The following PTCHD1 variants were observed in gnomAD, a reference collection of about 807,000 sequenced individuals.
The protein encoded by PTCHD1 is patched domain-containing protein 1.
Under a neutral mutation model 34.6 loss-of-function variants are expected in PTCHD1, and 3 were observed. The ratio of observed to expected loss-of-function variants is 0.09; its 90% CI spans 0.04 to 0.22. The LOEUF (loss-of-function observed/expected upper bound fraction) is 0.22. PTCHD1 is among the 10% of genes least tolerant of loss of function. The probability of loss-of-function intolerance (pLI) is 1.00; values close to 1 mark genes in which losing one functional copy is unlikely to be tolerated. For synonymous variants in PTCHD1, 305 were observed against 283.1 expected (o/e 1.08, Z -0.77); for missense variants, 504 against 685.5 (o/e 0.74, Z 2.96).
At chrX:23,355,881 G>A (rs1176363570) in intron 1 of PTCHD1, among the ~76,000 whole-genome samples, 1 of 112,390 alleles carries the variant, frequency 8.9e-6, no homozygotes, top group East Asian at 2.8e-4. Flanking sequence ...TCCCTTGAGA[G>A]CTGGGCTGGA....
At chrX:23,334,787 T>TCGCCGCCGCCGCGGGCGCCGCCGCC (rs1921110223), upstream of PTCHD1, 1 of 344,852 alleles carries the variant, frequency 2.9e-6, no homozygotes, top group Non-Finnish European at 3.7e-6. Context: ...CGGGCGCCGC[T>TCGCCGCCGCCGCGGGCGCCGCCGCC]GCCGCCGCCG....
chrX:23,374,699 G>A (rs977351811), intron 1 of PTCHD1, among the ~76,000 whole-genome samples: 8 of 110,016 alleles, frequency 7.3e-5, no homozygotes, highest in Admixed American at 1.9e-4. Flanking sequence ...GAACTTCAGT[G>A]TGTCAGAAAA....
chrX:23,359,905 A>G (rs1921921908), intron 1 of PTCHD1, among the ~76,000 whole-genome samples: 1 of 111,941 alleles, frequency 8.9e-6, no homozygotes, highest in Non-Finnish European at 1.9e-5. Context: ...TATTGAGATA[A>G]TCATGTGATT....
intron 2 of PTCHD1, among the ~76,000 whole-genome samples, chrX:23,391,072 C>A (rs1429928769): frequency 9.0e-6 from 1 of 111,527 alleles, no homozygotes; most frequent in Non-Finnish European, 1.9e-5. Context: ...AACACAGGGA[C>A]TCGAAGTAGG....
chrX:23,382,944 A>G (rs770337772), intron 2 of PTCHD1, among the ~76,000 whole-genome samples: 1 of 112,528 alleles, frequency 8.9e-6, no homozygotes, highest in East Asian at 2.8e-4. Context: ...TATTTCTCAG[A>G]TAAACTCTTC....
At chrX:23,389,242 T>A (rs1202294276) in intron 2 of PTCHD1, among the ~76,000 whole-genome samples, 2 of 111,774 alleles carry the variant, frequency 1.8e-5, no homozygotes, top group Non-Finnish European at 3.8e-5. Flanking sequence ...GCTTTTGGAA[T>A]GTGTCTCCCC....
At chrX:23,369,560 C>T (rs1025594586) in intron 1 of PTCHD1, among the ~76,000 whole-genome samples, 4 of 111,397 alleles carry the variant, frequency 3.6e-5, no homozygotes, top group African/African-American at 1.3e-4. Context: ...CTTCCTCACG[C>T]GCAGATGGAG....
chrX:23,361,628 T>G (rs1016644949), intron 1 of PTCHD1, among the ~76,000 whole-genome samples: 1 of 112,175 alleles, frequency 8.9e-6, no homozygotes, highest in African/African-American at 3.2e-5. Flanking sequence ...GTCTTTTAAT[T>G]GGGGCATTTA....
At position 23,399,121 on chromosome X, in the gene PTCHD1, C is replaced by T. The variant is rs1923062651; in HGVS notation, c.*4936C>T. ...TTGTGGAATGTGCCAGCAGCTTCTC[C>T]TTCCAGAATGCTGACACCAGATGAA... On this transcript the variant is annotated 3_prime_UTR_variant, in exon 3 of 3. Coordinates refer to ENST00000379361, the MANE Select transcript of PTCHD1 (RefSeq NM_173495.3). The T allele has an allele frequency of 8.9e-6, 1 of 111,836 alleles. No homozygotes were observed. The highest frequency in any genetic ancestry group is 3.3e-5 in the African/African-American group (1 of 30,719). The allele number at this position is 111,836 out of a possible 1,213,427, so 9.2% of individuals were successfully genotyped here.
intron 1 of PTCHD1, among the ~76,000 whole-genome samples, chrX:23,347,230 T>C (rs765244388): frequency 8.9e-6 from 1 of 112,131 alleles, no homozygotes; most frequent in South Asian, 3.8e-4. Context: ...AGGAAAAAAC[T>C]ATACCACTAG....
At chrX:23,353,484 G>C (rs1052910648) in intron 1 of PTCHD1, among the ~76,000 whole-genome samples, 1 of 112,816 alleles carries the variant, frequency 8.9e-6, no homozygotes, top group Non-Finnish European at 1.9e-5. Context: ...AGCTACGCGG[G>C]AGGCTGAGGC....
chrX:23,345,667 G>A (rs978869937), intron 1 of PTCHD1, among the ~76,000 whole-genome samples: 1 of 111,414 alleles, frequency 9.0e-6, no homozygotes, highest in Non-Finnish European at 1.9e-5. Context: ...GCAAGGTGAT[G>A]CTGTTCTTGC....
chrX:23,368,680 G>A (rs1297454199), intron 1 of PTCHD1, among the ~76,000 whole-genome samples: 1 of 111,827 alleles, frequency 8.9e-6, no homozygotes, highest in Admixed American at 9.5e-5. Context: ...TCCACACACC[G>A]CAAGCCCCTT....
chrX:23,364,554 AT>A (rs1368543067), intron 1 of PTCHD1, among the ~76,000 whole-genome samples: 3 of 111,412 alleles, frequency 2.7e-5, no homozygotes, highest in African/African-American at 9.8e-5. Flanking sequence ...TTTTAGTGAC[AT>A]CCAACTCACT....
Position 23,380,199 on chromosome X carries a change from T to G in PTCHD1, c.960T>G (p.Leu320=). 1 of 1,211,214 alleles carries G rather than the reference T, an allele frequency of 8.3e-7. No homozygotes were observed. Among genetic ancestry groups the G allele is most frequent in the African/African-American group, 1.7e-5 (1 of 57,789 alleles). The change falls in exon 2 of 3, where the codon CTT becomes CTG. Residue 320 remains leucine, a synonymous_variant. Transcript: ENST00000379361. ...ATLTAAGIIN[L]TGGKYNSTFL... Reference sequence around the variant, plus strand: ...TCACTGCAGCCGGGATCATCAATCTTACTGGTGGGAAATATAATTCCACCT... The same window carrying G: ...TCACTGCAGCCGGGATCATCAATCTGACTGGTGGGAAATATAATTCCACCT...
upstream of PTCHD1, chrX:23,334,780 GCGCCGCTGCCGCCGCCGCCGCCGCCGC>G (rs1921108883): frequency 1.5e-5 from 4 of 268,861 alleles, no homozygotes; most frequent in Non-Finnish European, 2.0e-5. Context: ...GCCGCCGCGG[GCGCCGCTGCCGCCGCCGCCGCCGCCGC>G]CGCCGCCGCC....
At position 23,335,092 on chromosome X, in the gene PTCHD1, C is replaced by T. The variant is rs373105249; in HGVS notation, c.217C>T (p.Leu73Phe). The T allele has an allele frequency of 6.5e-5, 79 of 1,209,869 alleles. 1 individual carries two copies. Among genetic ancestry groups the T allele is most frequent in the East Asian group, 5.6e-4 (19 of 33,704 alleles). The change falls in exon 1 of 3, where the codon CTC becomes TTC. Residue 73 changes from leucine to phenylalanine, a missense_variant. Coordinates refer to ENST00000379361, the MANE Select transcript of PTCHD1 (RefSeq NM_173495.3). ...GATCGAGCGCAACCTCGTTAACAGC[C>T]TCTTCCCGGTCAACCGCTCCAAGCA... ...AKIERNLVNS[L>F]FPVNRSKHRL...
In PTCHD1 at chrX:23,348,756, A is replaced by G. The variant is rs1053735411; in HGVS notation, c.351+13530A>G. ...TCTCAGACAGAAACTGAATGAGTTC[A>G]TCGCCAGCAGTGTTGTCCCGCAAAA... is the stretch of plus-strand genomic sequence containing the variant. On this transcript the variant is annotated intron_variant, in intron 1 of 2. Transcript: ENST00000379361. Among the ~76,000 whole-genome samples, 5 of 112,014 alleles carry G rather than the reference A, an allele frequency of 4.5e-5. No homozygotes were observed. In the South Asian group the frequency reaches 1.1e-3, roughly 25 times the overall value.
Position 23,367,100 on chromosome X carries a change from A to G in PTCHD1, c.352-12491A>G, listed in dbSNP as rs1400327972. Among the ~76,000 whole-genome samples the G allele has an allele frequency of 6.2e-5, 7 of 112,153 alleles. No homozygotes were observed. In the East Asian group the frequency reaches 2.0e-3, roughly 31 times the overall value. On this transcript the variant is annotated intron_variant, in intron 1 of 2. Transcript: ENST00000379361. Reference sequence around the variant, plus strand: ...TAATCAATTCTGAGAATCTGCCTGAAGTCCCTCCACTAAACTCTACGTTAC... The same window carrying G: ...TAATCAATTCTGAGAATCTGCCTGAGGTCCCTCCACTAAACTCTACGTTAC...
Sources: allele counts gnomAD v4.1 joint callset (sites outside exome capture counted in the v4.1 genomes callset), GRCh38; gene constraint gnomAD v4.1.1; transcripts MANE v1.5; gene names NCBI Gene and HGNC (gene_info 2026-07-23, HGNC 2026-07-21).